PDE1A: variants seen among roughly 807,000 people sequenced by gnomAD.
PDE1A encodes the protein phosphodiesterase 1A.
A neutral mutation model predicts 61.7 loss-of-function variants in PDE1A; 35 were observed. That is an observed-to-expected ratio of 0.57 (90% confidence interval 0.43 to 0.75). PDE1A has a LOEUF of 0.75. PDE1A is among the 30% of genes least tolerant of loss of function. The pLI, the probability that PDE1A is intolerant of heterozygous loss-of-function variation, is 0.00. For synonymous variants in PDE1A, 232 were observed against 213.2 expected, an observed-to-expected ratio of 1.09 and a Z score of -0.77; for missense variants, 597 against 630.6, an observed-to-expected ratio of 0.95 and a Z score of 0.57.
chr2:182,253,716 G>T (rs919811795), intron 2 of PDE1A, among the ~76,000 whole-genome samples: 5 of 152,082 alleles, frequency 3.3e-5, no homozygotes, highest in Admixed American at 6.6e-5. Context: ...TTAAAAAAGG[G>T]AGTAAATAAT....
the PDE1A span, among the ~76,000 whole-genome samples, chr2:182,607,063 C>T: frequency 1.3e-5 from 2 of 151,952 alleles, no homozygotes; most frequent in South Asian, 4.2e-4. Flanking sequence ...AAAAAAAAGA[C>T]AGGATTTAGG....
At chr2:182,457,292 G>T (rs1685989606) in intron 2 of PDE1A, among the ~76,000 whole-genome samples, 1 of 151,772 alleles carries the variant, frequency 6.6e-6, no homozygotes, top group Admixed American at 6.6e-5. Flanking sequence ...TATTGACCTT[G>T]TCATGAAATT....
upstream of PDE1A, among the ~76,000 whole-genome samples, chr2:182,430,629 A>T (rs1266476728): frequency 1.9e-5 from 2 of 104,948 alleles, no homozygotes; most frequent in African/African-American, 6.6e-5. Context: ...AGGACTATAA[A>T]TCATGCTGCT....
chr2:182,351,915 C>T (rs775746178), intron 1 of PDE1A, among the ~76,000 whole-genome samples: 10 of 152,206 alleles, frequency 6.6e-5, no homozygotes, highest in Non-Finnish European at 1.5e-4. Context: ...TTACCATATA[C>T]ACATTCAGTT....
intron 11 of PDE1A, 86 bp downstream of exon 11, chr2:182,188,893 G>T: frequency 1.2e-6 from 1 of 830,454 alleles, no homozygotes; most frequent in Non-Finnish European, 2.0e-6. Flanking sequence ...TTTCATGCAA[G>T]TTACCCCTTT....
chr2:182,231,986 T>G (rs1689620072), intron 4 of PDE1A, among the ~76,000 whole-genome samples: 1 of 152,142 alleles, frequency 6.6e-6, no homozygotes, highest in Non-Finnish European at 1.5e-5. Context: ...TATCTTTAAT[T>G]ATTAAAAGGT....
chr2:182,546,522 A>C, the PDE1A span, among the ~76,000 whole-genome samples: 3 of 152,312 alleles, frequency 2.0e-5, no homozygotes, highest in South Asian at 6.2e-4. Flanking sequence ...GGGAAGGGTG[A>C]TAGCATTTGA....
At chr2:182,358,111 C>T (rs926231988) in intron 1 of PDE1A, among the ~76,000 whole-genome samples, 1 of 152,180 alleles carries the variant, frequency 6.6e-6, no homozygotes, top group Non-Finnish European at 1.5e-5. Flanking sequence ...TGATTGCACC[C>T]TTCCTCACTT....
At chr2:182,475,078 C>T (rs1399538321) in intron 2 of PDE1A, among the ~76,000 whole-genome samples, 1 of 151,888 alleles carries the variant, frequency 6.6e-6, no homozygotes, top group African/African-American at 2.4e-5. Flanking sequence ...TTTCTCTCAT[C>T]TCAAGGACTT....
At position 182,247,968 on chromosome 2, in the gene PDE1A, A is replaced by T. The variant is rs536789383; in HGVS notation, c.168-7676T>A. Reference sequence around the variant, plus strand: ...ATCATTTACATTGTAAATGCTTTTTAAAAATGAAGACTTTGTTTTTAAGAA... The same window carrying T: ...ATCATTTACATTGTAAATGCTTTTTTAAAATGAAGACTTTGTTTTTAAGAA... On this transcript the variant is annotated intron_variant, in intron 2 of 13. Coordinates refer to ENST00000351439, the Ensembl canonical transcript of PDE1A. 1.0e-3 allele frequency among the ~76,000 whole-genome samples: 155 copies of T among 152,314 alleles called. 7 individuals carry two copies. In the South Asian group the frequency reaches 0.03, roughly 30 times the overall value.
chr2:182,168,171 C>A (rs538138980), exon 14 of PDE1A: 2 of 1,540,958 alleles, frequency 1.3e-6, no homozygotes, highest in Non-Finnish European at 8.7e-7. Flanking sequence ...AGATTTCCAG[C>A]AAGCATAATC....
At chr2:182,172,987 A>C (rs1009815892) in intron 13 of PDE1A, among the ~76,000 whole-genome samples, 6 of 152,012 alleles carry the variant, frequency 3.9e-5, no homozygotes, top group African/African-American at 1.4e-4. Flanking sequence ...TCTAGATATC[A>C]TGTGGGATAG....
At chr2:182,675,405 C>T in the PDE1A span, among the ~76,000 whole-genome samples, 1 of 152,124 alleles carries the variant, frequency 6.6e-6, no homozygotes, top group Admixed American at 6.5e-5. Context: ...GTGAATAGTG[C>T]TACAATGAAT....
chr2:182,246,884 T>A (rs145766945), intron 2 of PDE1A, among the ~76,000 whole-genome samples: 386 of 152,334 alleles, frequency 2.5e-3, no homozygotes, highest in Non-Finnish European at 4.5e-3. Context: ...TCTAAAATCA[T>A]GTGTGACACA....
intron 2 of PDE1A, among the ~76,000 whole-genome samples, chr2:182,242,898 C>CT (rs760752237): frequency 2.0e-4 from 23 of 114,682 alleles, no homozygotes; most frequent in East Asian, 7.2e-4. Context: ...CTCTCTCTCT[C>CT]CCTCTCTCTC....
chr2:182,711,178 T>C, the PDE1A span, among the ~76,000 whole-genome samples: 2 of 152,156 alleles, frequency 1.3e-5, no homozygotes, highest in African/African-American at 4.8e-5. Context: ...CAGCCTGGAA[T>C]AGGTTGGAAC....
intron 1 of PDE1A, among the ~76,000 whole-genome samples, chr2:182,277,976 G>C (rs968941505): frequency 6.6e-6 from 1 of 151,974 alleles, no homozygotes; most frequent in East Asian, 1.9e-4. Flanking sequence ...CTCCACTACA[G>C]TGTATTCAAT....
At chr2:182,550,973 A>G in the PDE1A span, among the ~76,000 whole-genome samples, 1 of 152,026 alleles carries the variant, frequency 6.6e-6, no homozygotes, top group Admixed American at 6.6e-5. Context: ...GCCTGGAAAT[A>G]TAGTCTACCA....
At chr2:182,347,959 C>T (rs986415879) in intron 1 of PDE1A, among the ~76,000 whole-genome samples, 3 of 152,010 alleles carry the variant, frequency 2.0e-5, no homozygotes, top group Admixed American at 6.6e-5. Context: ...AGAAGCAACA[C>T]GTAGTTTTGG....
Sources: gnomAD v4.1 joint callset for allele counts (sites outside exome capture counted in the v4.1 genomes callset) on GRCh38, gnomAD v4.1.1 for gene constraint, MANE v1.5 for transcripts, NCBI Gene and HGNC (gene_info 2026-07-23, HGNC 2026-07-21) for gene names.